Variants in CNTNAP4 observed in about 807,000 individuals in gnomAD.
The protein encoded by CNTNAP4 is contactin-associated protein-like 4.
In CNTNAP4, 98 loss-of-function variants were observed where a neutral mutation model predicts 148.4. The ratio of observed to expected loss-of-function variants is 0.66; its 90% CI spans 0.56 to 0.78. CNTNAP4 has a LOEUF of 0.78. CNTNAP4 is among the 30% of genes least tolerant of loss of function. CNTNAP4 has a pLI of 0.00. For missense variants in CNTNAP4, 1,935 were observed against 1,565.6 expected (o/e 1.24, Z -3.98); for synonymous variants, 730 against 565.1 (o/e 1.29, Z -4.14).
chr16:76,447,601 C>A (rs576605042), intron 4 of CNTNAP4, among the ~76,000 whole-genome samples: 5 of 152,078 alleles, frequency 3.3e-5, no homozygotes, highest in African/African-American at 4.8e-5. Flanking sequence ...AGACAATATG[C>A]ATTCAGTAGA....
At chr16:76,325,538 C>G (rs1374216163) in intron 2 of CNTNAP4, among the ~76,000 whole-genome samples, 2 of 152,136 alleles carry the variant, frequency 1.3e-5, no homozygotes, top group African/African-American at 4.8e-5. Flanking sequence ...GAATTTAATA[C>G]ATTCCTCCAA....
Position 76,560,096 on chromosome 16 carries a change from A to G in CNTNAP4, c.*1413A>G, listed in dbSNP as rs531776014. 9.9e-5 allele frequency among the ~76,000 whole-genome samples: 15 copies of G among 152,188 alleles called. No homozygotes were observed. The highest frequency in any genetic ancestry group is 2.9e-4 in the African/African-American group (12 of 41,454). On this transcript the variant is annotated 3_prime_UTR_variant, in exon 24 of 24. Transcript: ENST00000611870. ...TGTTACAATAATTAATCTTGAGACC[A>G]TGCATACAAGGAACTATCTTTGAAT...
At chr16:76,511,125 A>G (rs73626791) in intron 15 of CNTNAP4, among the ~76,000 whole-genome samples, 10,039 of 152,240 alleles carry the variant, frequency 0.066, 1,124 homozygotes, top group African/African-American at 0.23. Context: ...CAGTCTCTCT[A>G]TCTGAGCAAG....
At chr16:76,293,275 C>T (rs1044584214) in intron 1 of CNTNAP4, among the ~76,000 whole-genome samples, 5 of 152,092 alleles carry the variant, frequency 3.3e-5, no homozygotes, top group Non-Finnish European at 5.9e-5. Context: ...CAGGCATGTG[C>T]CATCACGCCC....
At chr16:76,365,195 C>T (rs564760991) in intron 3 of CNTNAP4, among the ~76,000 whole-genome samples, 67 of 152,098 alleles carry the variant, frequency 4.4e-4, no homozygotes, top group African/African-American at 1.4e-3. Context: ...AGATGTGTGG[C>T]GTTATTTCTG....
intron 2 of CNTNAP4, among the ~76,000 whole-genome samples, chr16:76,332,729 C>G (rs534993586): frequency 6.6e-6 from 1 of 151,008 alleles, no homozygotes; most frequent in East Asian, 2.0e-4. Flanking sequence ...TTCTTTTTAT[C>G]ATATTTTTTC....
intron 17 of CNTNAP4, among the ~76,000 whole-genome samples, chr16:76,524,096 T>C (rs942049984): frequency 2.0e-5 from 3 of 152,162 alleles, no homozygotes; most frequent in African/African-American, 7.2e-5. Flanking sequence ...GAGGAAGACA[T>C]TTTTGGGATT....
chr16:76,535,809 A>G, intron 18 of CNTNAP4, 25 bp downstream of exon 18: 1 of 1,594,482 alleles, frequency 6.3e-7, no homozygotes. Flanking sequence ...GAAGACTGTA[A>G]GAGGAAAATT....
rs76834200 is a variant in CNTNAP4 at position 76,306,149 on chromosome 16, G to C, written c.86-10264G>C. Reference sequence around the variant, plus strand: ...AATGTATGTGTCTTTTTGGTATAAAGGTCTAGTTGTCCTTTGCATGTATAC... The same window carrying C: ...AATGTATGTGTCTTTTTGGTATAAACGTCTAGTTGTCCTTTGCATGTATAC... On this transcript the variant is annotated intron_variant, in intron 1 of 23. Coordinates refer to ENST00000611870, the MANE Select transcript of CNTNAP4 (RefSeq NM_033401.5). 6.8e-3 allele frequency among the ~76,000 whole-genome samples: 1,038 copies of C among 152,238 alleles called. 8 individuals carry two copies. The highest frequency in any genetic ancestry group is 0.024 in the African/African-American group (1,006 of 41,544).
intron 1 of CNTNAP4, among the ~76,000 whole-genome samples, chr16:76,289,013 G>A (rs1959001479): frequency 6.6e-6 from 1 of 151,762 alleles, no homozygotes; most frequent in South Asian, 2.1e-4. Context: ...ATATTCTCCT[G>A]GTCAACCTAT....
chr16:76,377,666 A>G (rs982624907), intron 3 of CNTNAP4, among the ~76,000 whole-genome samples: 1 of 152,188 alleles, frequency 6.6e-6, no homozygotes, highest in South Asian at 2.1e-4. Context: ...CTGGAGGGGC[A>G]AAGTTTGCTA....
intron 3 of CNTNAP4, among the ~76,000 whole-genome samples, chr16:76,414,010 T>G (rs2078894000): frequency 6.6e-6 from 1 of 151,276 alleles, no homozygotes; most frequent in South Asian, 2.1e-4. Flanking sequence ...ATAAAGGCAG[T>G]TTTATTTCTT....
At chr16:76,501,499 C>G (rs2082641652) in intron 15 of CNTNAP4, among the ~76,000 whole-genome samples, 1 of 152,190 alleles carries the variant, frequency 6.6e-6, no homozygotes, top group Admixed American at 6.5e-5. Context: ...CATCATTCCA[C>G]TTAGAGCAGT....
chr16:76,522,694 T>TCTC (rs1568497173), intron 17 of CNTNAP4, among the ~76,000 whole-genome samples: 1,508 of 17,288 alleles, frequency 0.087, 189 homozygotes, highest in Admixed American at 0.18. Flanking sequence ...CTCCTTTCTT[T>TCTC]TCTTTTCTTT....
chr16:76,402,983 A>G (rs1270594885), intron 3 of CNTNAP4, among the ~76,000 whole-genome samples: 1 of 152,164 alleles, frequency 6.6e-6, no homozygotes, highest in Non-Finnish European at 1.5e-5. Context: ...TAGAGTATGT[A>G]CCATGTAGCA....
intron 4 of CNTNAP4, among the ~76,000 whole-genome samples, chr16:76,441,338 C>T (rs1172951522): frequency 6.6e-6 from 1 of 152,178 alleles, no homozygotes; most frequent in Admixed American, 6.6e-5. Flanking sequence ...CTACATCTGA[C>T]ACAACTCCCT....
chr16:76,473,849 TTGTTTTGTTTTGTTTTG>T (rs2081462857), intron 10 of CNTNAP4, among the ~76,000 whole-genome samples: 1 of 74,504 alleles, frequency 1.3e-5, no homozygotes, highest in South Asian at 3.2e-4. Flanking sequence ...GGTTTTTTTT[TTGTTTTGTTTTGTTTTG>T]TTTTGTTTTT....
At chr16:76,385,066 C>T (rs1420803538) in intron 3 of CNTNAP4, among the ~76,000 whole-genome samples, 1 of 152,110 alleles carries the variant, frequency 6.6e-6, no homozygotes, top group Non-Finnish European at 1.5e-5. Flanking sequence ...ACAGGTGCAA[C>T]TTATAAAGTA....
At chr16:76,351,360 G>T (rs2011725765) in intron 2 of CNTNAP4, among the ~76,000 whole-genome samples, 1 of 142,966 alleles carries the variant, frequency 7.0e-6, no homozygotes, top group Admixed American at 7.5e-5. Flanking sequence ...TCATAGGCTG[G>T]CCCAAAAAAA....
Sources: gnomAD v4.1 joint callset for allele counts (sites outside exome capture counted in the v4.1 genomes callset) on GRCh38, gnomAD v4.1.1 for gene constraint, MANE v1.5 for transcripts, NCBI Gene and HGNC (gene_info 2026-07-23, HGNC 2026-07-21) for gene names.